Variants in IGFBP5 observed in about 807,000 individuals in gnomAD.
IGFBP5 encodes the protein insulin-like growth factor-binding protein 5.
IGFBP5 carries 12 observed loss-of-function variants against 28.0 expected under a neutral mutation model. The observed-to-expected ratio is 0.43, with a 90% CI of 0.27 to 0.69. IGFBP5 has a LOEUF of 0.69. Among genes scored for constraint, IGFBP5 ranks in the 30% least tolerant of loss-of-function variants. The pLI, the probability that IGFBP5 is intolerant of heterozygous loss-of-function variation, is 0.20. For synonymous variants in IGFBP5, 152 were observed against 150.2 expected (o/e 1.01, Z -0.09); for missense variants, 344 against 381.6 (o/e 0.90, Z 0.82).
In IGFBP5 at chr2:216,679,203, C is replaced by T. The variant is rs553238756; in HGVS notation, c.338-124G>A. 2.5e-5 allele frequency: 18 copies of T among 721,876 alleles called. No homozygotes were observed. The African/African-American group carries it at 3.1e-4, about 13-fold the overall frequency. 44.7% of individuals were successfully genotyped at this position (721,876 alleles called of 1,614,324 possible). On this transcript the variant is annotated intron_variant, in intron 1 of 3. Coordinates refer to ENST00000233813, the MANE Select transcript of IGFBP5 (RefSeq NM_000599.4). This position sits in a 1 kb window ranked among gnomAD's most constrained non-coding sequence, Gnocchi z 4.6. ...CTGAAGCAGATGTGTCTCTGCCCTC[C>T]TGGAGCACACCCTGAAAGCAGGGGG...
chr2:216,686,826 C>A (rs986458817), intron 1 of IGFBP5, among the ~76,000 whole-genome samples: 1 of 151,946 alleles, frequency 6.6e-6, no homozygotes, highest in Non-Finnish European at 1.5e-5. Context: ...AGCACCACGC[C>A]CAGGATGGTC....
At chr2:216,684,254 G>T (rs1442099313) in intron 1 of IGFBP5, among the ~76,000 whole-genome samples, 1 of 152,192 alleles carries the variant, frequency 6.6e-6, no homozygotes, top group African/African-American at 2.4e-5. Flanking sequence ...CACCTTGCTT[G>T]CTGGTCACAG....
chr2:216,676,891 A>C lies in IGFBP5; in HGVS notation c.688-9T>G, dbSNP rs763613948. On this transcript the variant is annotated splice_polypyrimidine_tract_variant and intron_variant, in intron 3 of 3. Coordinates refer to ENST00000233813, the MANE Select transcript of IGFBP5 (RefSeq NM_000599.4). ...CCACGGGAAGGTTTGCACTGGGGTGAGTAGAGCAACAGGCGGTGAGGACGG... is the reference window on the plus strand; with the variant it reads ...CCACGGGAAGGTTTGCACTGGGGTGCGTAGAGCAACAGGCGGTGAGGACGG... The C allele has an allele frequency of 3.1e-6, 5 of 1,613,654 alleles. No individual in the cohort carries two copies. In the South Asian group the frequency reaches 5.5e-5, roughly 18 times the overall value.
chr2:216,691,592 C>T (rs1266423759), intron 1 of IGFBP5, among the ~76,000 whole-genome samples: 1 of 152,102 alleles, frequency 6.6e-6, no homozygotes, highest in Non-Finnish European at 1.5e-5. Context: ...TCGCTCTCAG[C>T]ACCCTGCTCT....
chr2:216,691,594 C>T (rs1689095994), intron 1 of IGFBP5, among the ~76,000 whole-genome samples: 1 of 152,110 alleles, frequency 6.6e-6, no homozygotes, highest in African/African-American at 2.4e-5. Context: ...GCTCTCAGCA[C>T]CCTGCTCTCG....
intron 1 of IGFBP5, among the ~76,000 whole-genome samples, chr2:216,686,707 G>A (rs1326347048): frequency 4.7e-5 from 6 of 126,468 alleles, no homozygotes; most frequent in East Asian, 2.3e-4. Context: ...TCACTCTGTC[G>A]CCAGGCTGGA....
chr2:216,682,885 T>A (rs1027072168), intron 1 of IGFBP5, among the ~76,000 whole-genome samples: 4 of 152,048 alleles, frequency 2.6e-5, no homozygotes, highest in Non-Finnish European at 5.9e-5. Context: ...ATTTTTTGTA[T>A]TTTTAGTAGA....
At position 216,680,402 on chromosome 2, in the gene IGFBP5, G is replaced by C. The variant is rs1187615131; in HGVS notation, c.338-1323C>G. On this transcript the variant is annotated intron_variant, in intron 1 of 3. Transcript: ENST00000233813. The stretch of plus-strand genomic sequence containing the variant: ...GGGTAGAATTCCAGGAAGTGGGGGT[G>C]GGGTGCAAGGAAAGAGAAGCTTTTT... 2.0e-5 allele frequency among the ~76,000 whole-genome samples: 3 copies of C among 152,196 alleles called. 1 individual carries two copies. Among genetic ancestry groups the C allele is most frequent in the African/African-American group, 7.2e-5 (3 of 41,450 alleles).
intron 1 of IGFBP5, among the ~76,000 whole-genome samples, chr2:216,693,519 C>T (rs375129068): frequency 2.1e-4 from 32 of 151,894 alleles, no homozygotes; most frequent in African/African-American, 6.8e-4. Flanking sequence ...TCTGCATAGG[C>T]GAGGAAGTTG....
chr2:216,690,528 GGCTTCT>G (rs1206612551), intron 1 of IGFBP5, among the ~76,000 whole-genome samples: 4 of 152,242 alleles, frequency 2.6e-5, no homozygotes, highest in Non-Finnish European at 5.9e-5. Context: ...AGGGGGCCAG[GGCTTCT>G]GCAGGGAATT....
chr2:216,678,018 G>T, intron 3 of IGFBP5, 94 bp downstream of exon 3: 2 of 1,228,678 alleles, frequency 1.6e-6, no homozygotes, highest in Non-Finnish European at 2.1e-6. Context: ...AGTGGTTAAC[G>T]GTGGAAACCT....
At chr2:216,689,656 T>C (rs564225691) in intron 1 of IGFBP5, among the ~76,000 whole-genome samples, 1 of 152,296 alleles carries the variant, frequency 6.6e-6, no homozygotes, top group East Asian at 1.9e-4. Flanking sequence ...AAGAGCTGAG[T>C]CCCAGCCCCT....
At position 216,676,699 on chromosome 2, in the gene IGFBP5, G is replaced by A; in HGVS notation, c.*52C>T. On this transcript the variant is annotated 3_prime_UTR_variant, in exon 4 of 4. Coordinates refer to ENST00000233813, the MANE Select transcript of IGFBP5 (RefSeq NM_000599.4). ...CTGGGGTGGAGGGAGGCGCTGGCTGGAGTCGGGGCTGGGGGTGGGAGGGGG... is the reference window on the plus strand; with the variant it reads ...CTGGGGTGGAGGGAGGCGCTGGCTGAAGTCGGGGCTGGGGGTGGGAGGGGG... 5 of 1,265,408 alleles carry A rather than the reference G, an allele frequency of 4.0e-6. No homozygotes were observed. The highest frequency in any genetic ancestry group is 5.6e-6 in the Non-Finnish European group (5 of 895,572). The allele number at this position is 1,265,408 out of a possible 1,614,324, so 78.4% of individuals were successfully genotyped here. A position where few individuals can be genotyped will look rare whatever the true frequency, so the allele number is the denominator to read the frequency against.
At chr2:216,682,955 G>A (rs1297689216) in intron 1 of IGFBP5, among the ~76,000 whole-genome samples, 6 of 152,078 alleles carry the variant, frequency 3.9e-5, no homozygotes, top group East Asian at 1.9e-4. Flanking sequence ...TGATCCGCCC[G>A]CCTTGGCCTC....
At chr2:216,677,166 T>C (rs553804263) in intron 3 of IGFBP5, among the ~76,000 whole-genome samples, 1 of 152,030 alleles carries the variant, frequency 6.6e-6, no homozygotes, top group Non-Finnish European at 1.5e-5. Context: ...CTAAAACTCC[T>C]GAGCCCAAGT....
In IGFBP5 at chr2:216,694,393, C is replaced by G. The variant is rs1184020117; in HGVS notation, c.337+46G>C. The G allele has an allele frequency of 7.0e-7, 1 of 1,428,238 alleles. No homozygotes were observed. The highest frequency in any genetic ancestry group is 9.2e-7 in the Non-Finnish European group (1 of 1,087,956). 88.5% of individuals were successfully genotyped at this position (1,428,238 alleles called of 1,614,324 possible). A position where few individuals can be genotyped will look rare whatever the true frequency, so the allele number is the denominator to read the frequency against. ...CGCGGGCCCAGCCGGTCTCGTGTCCCCCGCCCGTGCGCCGCGTAACTGACT... is the reference window on the plus strand; with the variant it reads ...CGCGGGCCCAGCCGGTCTCGTGTCCGCCGCCCGTGCGCCGCGTAACTGACT... On this transcript the variant is annotated intron_variant, in intron 1 of 3. Transcript: ENST00000233813. This position sits in a 1 kb window ranked among gnomAD's most constrained non-coding sequence, Gnocchi z 5.2.
intron 1 of IGFBP5, among the ~76,000 whole-genome samples, chr2:216,687,357 C>T (rs889965286): frequency 1.1e-4 from 17 of 152,302 alleles, no homozygotes; most frequent in African/African-American, 3.4e-4. Flanking sequence ...GGGGGCCCAC[C>T]GCCCTCCACA....
Position 216,694,509 on chromosome 2 carries a change from C to A in IGFBP5, c.267G>T (p.Pro89=), listed in dbSNP as rs1689143293. ...CGCGGCCGTGCAGCAGGGCGTGCAG[C>A]GGCTTCTCCTCGTCCTGCCGGGGGA... ...RCLPRQDEEK[P]LHALLHGRGV... is the part of the protein sequence containing the mutation. The change falls in exon 1 of 4, where the codon CCG becomes CCT. Residue 89 remains proline (P), a synonymous_variant. Coordinates refer to ENST00000233813, the MANE Select transcript of IGFBP5 (RefSeq NM_000599.4). The surrounding 1 kb of genome is among the most constrained non-coding windows in gnomAD (Gnocchi z 5.2). 6.3e-7 allele frequency: 1 copy of A among 1,589,238 alleles called. No homozygotes were observed. Among genetic ancestry groups the A allele is most frequent in the Non-Finnish European group, 8.5e-7 (1 of 1,170,978 alleles).
chr2:216,678,429 G>T (rs1408995151), intron 2 of IGFBP5, among the ~76,000 whole-genome samples, 198 bp from the exon 3 acceptor site: 1 of 152,152 alleles, frequency 6.6e-6, no homozygotes, highest in Non-Finnish European at 1.5e-5. Context: ...CCTGCCTTTG[G>T]CCAGGTACGG....
Sources: gnomAD v4.1 joint callset for allele counts (sites outside exome capture counted in the v4.1 genomes callset) on GRCh38, gnomAD v4.1.1 for gene constraint, Gnocchi (gnomAD v3.1) non-coding constraint, MANE v1.5 for transcripts, NCBI Gene and HGNC (gene_info 2026-07-23, HGNC 2026-07-21) for gene names.